TENM2: variants seen among roughly 807,000 people sequenced by gnomAD.
TENM2 encodes teneurin transmembrane protein 2.
In TENM2, 52 loss-of-function variants were observed where a neutral mutation model predicts 245.2. The ratio of observed to expected loss-of-function variants is 0.21; its 90% CI spans 0.17 to 0.27. The LOEUF (loss-of-function observed/expected upper bound fraction) is 0.27, where lower values mean the gene tolerates loss of function less well. Ranked by LOEUF, TENM2 falls within the 10% of genes least tolerant of loss-of-function variation. TENM2 has a pLI of 1.00. For synonymous variants in TENM2, 1,363 were observed against 1,438.9 expected, an observed-to-expected ratio of 0.95 and a Z score of 1.19; for missense variants, 3,046 against 3,666.8, an observed-to-expected ratio of 0.83 and a Z score of 4.37.
At chr5:167,650,930 A>C (rs750147502) in intron 2 of TENM2, among the ~76,000 whole-genome samples, 10 of 152,188 alleles carry the variant, frequency 6.6e-5, no homozygotes, top group Non-Finnish European at 1.2e-4. Context: ...ACTTGGAAGT[A>C]AAAACTAAAT....
chr5:167,406,483 A>G (rs969715995), intron 2 of TENM2, among the ~76,000 whole-genome samples: 4 of 152,176 alleles, frequency 2.6e-5, no homozygotes, highest in Admixed American at 2.0e-4. Context: ...TATAAATGTG[A>G]ATGTATATCA....
chr5:168,000,855 T>C (rs557835335), intron 5 of TENM2, among the ~76,000 whole-genome samples: 156 of 152,270 alleles, frequency 1.0e-3, no homozygotes, highest in Non-Finnish European at 1.8e-3. Context: ...CTGAATCTTA[T>C]AGTCAGTGGA....
At chr5:168,087,958 G>A (rs1157165012) in intron 7 of TENM2, among the ~76,000 whole-genome samples, 1 of 152,032 alleles carries the variant, frequency 6.6e-6, no homozygotes, top group Admixed American at 6.5e-5. Flanking sequence ...CTGTGCAGGG[G>A]GACTCTGAGG....
In TENM2 at chr5:167,620,549, C is replaced by CTTTTTTTTTTTTTTTTTTTTTTTTTTTT. The variant is rs11455974; in HGVS notation, c.502+245098_502+245099insTTTTTTTTTTTTTTTTTTTTTTTTTTTT. On this transcript the variant is annotated intron_variant, in intron 2 of 28. Coordinates refer to ENST00000518659, the Ensembl canonical transcript of TENM2. ...TGTTGGCTAAAACTTTGCTTTTTGG[C>CTTTTTTTTTTTTTTTTTTTTTTTTTTTT]TTTTTTTTTTTTTTTTTTTTTTCAA... Among the ~76,000 whole-genome samples the CTTTTTTTTTTTTTTTTTTTTTTTTTTTT allele has an allele frequency of 9.5e-5, 7 of 73,330 alleles. 1 individual carries two copies. The highest frequency in any genetic ancestry group is 1.7e-4 in the Non-Finnish European group (7 of 41,492). The allele number at this position is 73,330 out of a possible 152,430, so 48.1% of individuals were successfully genotyped here.
chr5:168,031,187 C>T (rs957034904), intron 5 of TENM2, among the ~76,000 whole-genome samples: 25 of 152,160 alleles, frequency 1.6e-4, no homozygotes, highest in East Asian at 1.2e-3. Flanking sequence ...TGAATGGGAT[C>T]GGGGATCTGT....
At chr5:167,320,583 T>C (rs1756652577) in intron 1 of TENM2, among the ~76,000 whole-genome samples, 2 of 152,222 alleles carry the variant, frequency 1.3e-5, no homozygotes, top group Non-Finnish European at 2.9e-5. Flanking sequence ...GCTGGGACTT[T>C]TAAGGCATGA....
chr5:167,025,328 T>G, the TENM2 span, among the ~76,000 whole-genome samples: 1 of 152,334 alleles, frequency 6.6e-6, no homozygotes, highest in Middle Eastern at 3.4e-3. Flanking sequence ...TTAATTCAGA[T>G]TATAAATATT....
intron 2 of TENM2, among the ~76,000 whole-genome samples, chr5:167,662,938 A>C (rs1049364808): frequency 6.6e-6 from 1 of 152,174 alleles, no homozygotes; most frequent in Non-Finnish European, 1.5e-5. Flanking sequence ...CAGTGAACTT[A>C]ACACAAGATG....
the TENM2 span, among the ~76,000 whole-genome samples, chr5:167,096,196 T>G: frequency 6.6e-6 from 1 of 152,340 alleles, no homozygotes; most frequent in African/African-American, 2.4e-5. Flanking sequence ...GTATACATTA[T>G]GGAATAAAAT....
At chr5:167,888,796 G>T (rs1774503324) in intron 3 of TENM2, among the ~76,000 whole-genome samples, 1 of 152,046 alleles carries the variant, frequency 6.6e-6, no homozygotes, top group Non-Finnish European at 1.5e-5. Flanking sequence ...GATTTCTGTT[G>T]CTTATTATCC....
chr5:167,844,812 T>C (rs1034793613), intron 2 of TENM2, among the ~76,000 whole-genome samples: 1 of 148,842 alleles, frequency 6.7e-6, no homozygotes, highest in African/African-American at 2.5e-5. Context: ...GGTTTTCAGG[T>C]ATGTAAATTT....
At chr5:167,701,927 A>T (rs1758168076) in intron 2 of TENM2, among the ~76,000 whole-genome samples, 1 of 152,114 alleles carries the variant, frequency 6.6e-6, no homozygotes, top group Admixed American at 6.5e-5. Context: ...TTTAAATGTT[A>T]TTTTCTATCA....
At chr5:167,686,433 C>T (rs906351759) in intron 2 of TENM2, among the ~76,000 whole-genome samples, 2 of 152,104 alleles carry the variant, frequency 1.3e-5, no homozygotes, top group Non-Finnish European at 2.9e-5. Flanking sequence ...ATTCTGCAAC[C>T]CAAACGTTGC....
the TENM2 span, among the ~76,000 whole-genome samples, chr5:167,088,068 G>A: frequency 2.0e-5 from 3 of 152,190 alleles, no homozygotes; most frequent in South Asian, 2.1e-4. Flanking sequence ...GATTACAGGC[G>A]TGAACCCCTG....
At chr5:167,138,311 A>G in the TENM2 span, among the ~76,000 whole-genome samples, 4 of 152,222 alleles carry the variant, frequency 2.6e-5, no homozygotes, top group Admixed American at 6.5e-5. Flanking sequence ...GATCATGAAT[A>G]TGTTTAAAAT....
intron 2 of TENM2, among the ~76,000 whole-genome samples, chr5:167,823,586 TTATTA>T (rs1767719281): frequency 1.3e-5 from 2 of 152,148 alleles, no homozygotes; most frequent in South Asian, 4.1e-4. Context: ...GGCTCTCCTG[TTATTA>T]TATACTCAGC....
At position 167,776,593 on chromosome 5, in the gene TENM2, G is replaced by GAAAA. The variant is rs869252752; in HGVS notation, c.503-99363_503-99360dup. Among the ~76,000 whole-genome samples the GAAAA allele has an allele frequency of 5.3e-4, 19 of 36,020 alleles. 1 individual carries two copies. In the East Asian group the frequency reaches 7.6e-3, roughly 14 times the overall value. The allele number at this position is 36,020 out of a possible 152,430, so 23.6% of individuals were successfully genotyped here. ...TTGGGCAGCAGATGAGACCCTGTCT[G>GAAAA]AAAAAAAAAAAAAAAAAAAAAAAAA... On this transcript the variant is annotated intron_variant, in intron 2 of 28. Transcript: ENST00000518659.
chr5:167,197,133 A>G, the TENM2 span, among the ~76,000 whole-genome samples: 1 of 152,102 alleles, frequency 6.6e-6, no homozygotes, highest in Non-Finnish European at 1.5e-5. Context: ...AGACATTATT[A>G]AAACCATTTC....
intron 2 of TENM2, among the ~76,000 whole-genome samples, chr5:167,819,388 C>A (rs1412450907): frequency 6.6e-6 from 1 of 152,192 alleles, no homozygotes; most frequent in African/African-American, 2.4e-5. Context: ...TCAGGAGAAG[C>A]TGTTGAGAGA....
Sources: gnomAD v4.1 joint callset for allele counts (sites outside exome capture counted in the v4.1 genomes callset) on GRCh38, gnomAD v4.1.1 for gene constraint, MANE v1.5 for transcripts, NCBI Gene and HGNC (gene_info 2026-07-23, HGNC 2026-07-21) for gene names.